Variants in CUX2 observed in about 807,000 individuals in gnomAD.
The protein encoded by CUX2 is homeobox protein cut-like 2.
A neutral mutation model predicts 144.8 loss-of-function variants in CUX2; 40 were observed. The observed-to-expected ratio is 0.28, with a 90% confidence interval of 0.21 to 0.36. The LOEUF (loss-of-function observed/expected upper bound fraction) is 0.36, where lower values mean the gene tolerates loss of function less well. Ranked by LOEUF, CUX2 falls within the 10% of genes least tolerant of loss-of-function variation. The pLI is 1.00. For synonymous variants in CUX2, 827 were observed against 875.6 expected (o/e 0.94, Z 0.98); for missense variants, 1,615 against 1,994.0 (o/e 0.81, Z 3.62).
chr12:111,083,859 C>T (rs918708872), intron 1 of CUX2, among the ~76,000 whole-genome samples: 7 of 152,120 alleles, frequency 4.6e-5, no homozygotes, highest in East Asian at 1.9e-4. Context: ...CAGGGCAGCC[C>T]GCCTTTGGCC....
intron 4 of CUX2, among the ~76,000 whole-genome samples, chr12:111,265,749 C>T (rs1373232719): frequency 6.6e-6 from 1 of 152,116 alleles, no homozygotes; most frequent in Non-Finnish European, 1.5e-5. Flanking sequence ...AATGGCAGAG[C>T]CCGGAGGAGG....
At chr12:111,070,416 C>A (rs1871212102) in intron 1 of CUX2, among the ~76,000 whole-genome samples, 1 of 121,572 alleles carries the variant, frequency 8.2e-6, no homozygotes, top group African/African-American at 3.0e-5. Flanking sequence ...TTCCTTCCTT[C>A]CTTCCTTCCT....
At chr12:111,297,190 A>T (rs1349767462) in intron 8 of CUX2, among the ~76,000 whole-genome samples, 1 of 128,394 alleles carries the variant, frequency 7.8e-6, no homozygotes, top group Non-Finnish European at 1.7e-5. Flanking sequence ...CCTCTCTCTG[A>T]CCCTCCCAAA....
At chr12:111,114,394 T>A (rs1003587677) in intron 1 of CUX2, among the ~76,000 whole-genome samples, 5 of 152,268 alleles carry the variant, frequency 3.3e-5, no homozygotes, top group African/African-American at 1.2e-4. Flanking sequence ...CATGTCTGTT[T>A]TAGTGATGCT....
intron 1 of CUX2, among the ~76,000 whole-genome samples, chr12:111,164,777 G>T (rs1172779708): frequency 6.6e-6 from 1 of 152,062 alleles, no homozygotes; most frequent in Admixed American, 6.6e-5. Context: ...GTGAATGTTG[G>T]GGATTCACAT....
chr12:111,100,569 A>G (rs1184430011), intron 1 of CUX2, among the ~76,000 whole-genome samples: 1 of 152,122 alleles, frequency 6.6e-6, no homozygotes, highest in African/African-American at 2.4e-5. Flanking sequence ...TGTGCAAGTC[A>G]GAGGGGTATG....
At chr12:111,315,672 T>C (rs1254504167) in intron 16 of CUX2, among the ~76,000 whole-genome samples, 1 of 151,924 alleles carries the variant, frequency 6.6e-6, no homozygotes, top group African/African-American at 2.4e-5. Context: ...TGAGCCGAGA[T>C]CGCGCCATTG....
rs1457979457 is a variant in CUX2 at position 111,077,847 on chromosome 12, G to A, written c.63+43607G>A. ...GGGAAATCCATGGGTCTGTTTAAGA[G>A]ATAAGAACAGCAGCTAAAGGTTTGA... On this transcript the variant is annotated intron_variant, in intron 1 of 21. Transcript: ENST00000261726. This position sits in a 1 kb window ranked among gnomAD's most constrained non-coding sequence, Gnocchi z 4.1. Among the ~76,000 whole-genome samples, 2 of 152,204 alleles carry A rather than the reference G, an allele frequency of 1.3e-5. No individual in the cohort carries two copies. The highest frequency in any genetic ancestry group is 4.8e-5 in the African/African-American group (2 of 41,454).
chr12:111,189,567 G>A (rs1317681859), intron 1 of CUX2, among the ~76,000 whole-genome samples: 1 of 152,240 alleles, frequency 6.6e-6, no homozygotes, highest in Non-Finnish European at 1.5e-5. Flanking sequence ...TGGGTGAGTA[G>A]ATCACAAATG....
chr12:111,187,838 C>T (rs1438767256), intron 1 of CUX2, among the ~76,000 whole-genome samples: 1 of 152,204 alleles, frequency 6.6e-6, no homozygotes, highest in African/African-American at 2.4e-5. Context: ...GGTGATGGGG[C>T]TGAGAATGGG....
At chr12:111,220,875 G>A (rs1476381554) in intron 3 of CUX2, among the ~76,000 whole-genome samples, 3 of 142,944 alleles carry the variant, frequency 2.1e-5, no homozygotes, top group African/African-American at 7.8e-5. Flanking sequence ...GTTCAAGGCT[G>A]TAGTGAGCTA....
At chr12:111,281,073 G>A (rs556812734) in intron 4 of CUX2, among the ~76,000 whole-genome samples, 4 of 152,114 alleles carry the variant, frequency 2.6e-5, no homozygotes, top group African/African-American at 7.2e-5. Context: ...CCCTCTACAC[G>A]CCACTTTTCA....
chr12:111,168,961 C>G (rs1333456197), intron 1 of CUX2, among the ~76,000 whole-genome samples: 13 of 151,892 alleles, frequency 8.6e-5, no homozygotes, highest in Non-Finnish European at 1.9e-4. Context: ...CCCCCTCCCC[C>G]CACTGTCATC....
intron 1 of CUX2, among the ~76,000 whole-genome samples, chr12:111,075,725 G>C (rs1270575657): frequency 6.6e-6 from 1 of 152,174 alleles, no homozygotes; most frequent in African/African-American, 2.4e-5. Context: ...AAGCCAGATG[G>C]AGCTTATAAG....
chr12:111,243,810 A>G (rs556876945), intron 3 of CUX2, among the ~76,000 whole-genome samples: 6 of 152,300 alleles, frequency 3.9e-5, no homozygotes, highest in African/African-American at 1.4e-4. Context: ...AGAAAGTCCC[A>G]GGCAAACTGA....
In CUX2 at chr12:111,341,889, C is replaced by T. The variant is rs1230518029; in HGVS notation, c.3495C>T (p.Leu1165=). 5 of 1,614,046 alleles carry T rather than the reference C, an allele frequency of 3.1e-6. No individual in the cohort carries two copies. The highest frequency in any genetic ancestry group is 2.5e-6 in the Non-Finnish European group (3 of 1,180,016). The stretch of plus-strand genomic sequence containing the variant: ...GCCTGCAGCCCCAGGACCTGAGCCT[C>T]CTGCAGATCAAGAAGCCCCGGGTGG... The part of the protein sequence containing the change: ...SPCLQPQDLS[L]LQIKKPRVVL... Residue 1165 remains leucine (L), a synonymous_variant, in exon 21 of 22, where the codon CTC becomes CTT. Transcript: ENST00000261726.
At chr12:111,231,528 A>G (rs1882460629) in intron 3 of CUX2, among the ~76,000 whole-genome samples, 1 of 152,196 alleles carries the variant, frequency 6.6e-6, no homozygotes, top group African/African-American at 2.4e-5. Flanking sequence ...CCTTGTAACA[A>G]GTGAGAACAG....
At chr12:111,202,300 T>TGGTGCCC (rs1312525722) in intron 1 of CUX2, among the ~76,000 whole-genome samples, 5 of 152,226 alleles carry the variant, frequency 3.3e-5, no homozygotes, top group Non-Finnish European at 5.9e-5. Context: ...TTTGTTTTCC[T>TGGTGCCC]GGTGCCCGTG....
intron 1 of CUX2, among the ~76,000 whole-genome samples, chr12:111,063,748 C>T (rs1870901808): frequency 6.6e-6 from 1 of 152,244 alleles, no homozygotes; most frequent in Non-Finnish European, 1.5e-5. Context: ...GTGCCTCACA[C>T]ATTCTTATTA....
Sources: allele counts gnomAD v4.1 joint callset (sites outside exome capture counted in the v4.1 genomes callset), GRCh38; gene constraint gnomAD v4.1.1; non-coding constraint Gnocchi (gnomAD v3.1); transcripts MANE v1.5; gene names NCBI Gene and HGNC (gene_info 2026-07-23, HGNC 2026-07-21).